Variants in NRXN1 observed in about 807,000 individuals in gnomAD.
NRXN1 encodes neurexin 1.
A neutral mutation model predicts 150.9 loss-of-function variants in NRXN1; 39 were observed. That is an observed-to-expected ratio of 0.26 (90% CI 0.20 to 0.34). The LOEUF is 0.34. Among genes scored for constraint, NRXN1 ranks in the 10% least tolerant of loss-of-function variants. The pLI is 1.00. For missense variants in NRXN1, 1,815 were observed against 1,949.9 expected (o/e 0.93, Z 1.30); for synonymous variants, 924 against 757.0 (o/e 1.22, Z -3.62).
At chr2:50,992,386 T>C (rs1419115383) in intron 2 of NRXN1, among the ~76,000 whole-genome samples, 1 of 151,936 alleles carries the variant, frequency 6.6e-6, no homozygotes, top group Non-Finnish European at 1.5e-5. Flanking sequence ...CCTCAAACCT[T>C]TTATTAAATT....
chr2:50,731,033 T>TG (rs1299675880), intron 5 of NRXN1, among the ~76,000 whole-genome samples: 1 of 152,202 alleles, frequency 6.6e-6, no homozygotes, highest in Non-Finnish European at 1.5e-5. Flanking sequence ...TATCCTTGAC[T>TG]GTAACTCAGG....
intron 19 of NRXN1, among the ~76,000 whole-genome samples, chr2:50,087,138 T>C (rs1174495605): frequency 1.3e-5 from 2 of 152,112 alleles, no homozygotes; most frequent in African/African-American, 2.4e-5. Flanking sequence ...TTGGAACGAG[T>C]TTTCCTTTTA....
At chr2:50,023,684 C>T (rs1261351795) in intron 21 of NRXN1, 5 of 151,982 alleles carry the variant, frequency 3.3e-5, no homozygotes, top group African/African-American at 1.2e-4. Context: ...ACTTCGGGGC[C>T]GAATATGTGT....
At chr2:50,576,519 T>C (rs1320987367) in intron 8 of NRXN1, among the ~76,000 whole-genome samples, 1 of 152,124 alleles carries the variant, frequency 6.6e-6, no homozygotes, top group African/African-American at 2.4e-5. Flanking sequence ...ACATCATAGG[T>C]CTCCAAAATA....
chr2:50,396,783 A>G (rs1408443355), intron 17 of NRXN1, among the ~76,000 whole-genome samples: 1 of 152,144 alleles, frequency 6.6e-6, no homozygotes, highest in African/African-American at 2.4e-5. Flanking sequence ...CAGAAATGTA[A>G]GATGATTTCT....
At chr2:50,308,577 C>T (rs67355714) in intron 17 of NRXN1, among the ~76,000 whole-genome samples, 19,289 of 151,986 alleles carry the variant, frequency 0.13, 1,313 homozygotes, top group East Asian at 0.18. Context: ...AGCTGTCTAA[C>T]GCCTGGCATC....
intron 5 of NRXN1, among the ~76,000 whole-genome samples, chr2:50,790,952 T>C (rs999893696): frequency 6.6e-6 from 1 of 152,064 alleles, no homozygotes; most frequent in Non-Finnish European, 1.5e-5. Flanking sequence ...GCACTTCAGA[T>C]TTCAGATTTT....
At chr2:50,775,520 T>G (rs970338326) in intron 5 of NRXN1, among the ~76,000 whole-genome samples, 2 of 152,174 alleles carry the variant, frequency 1.3e-5, no homozygotes, top group East Asian at 3.9e-4. Flanking sequence ...CACTAACACA[T>G]GCTTTGAGAA....
At chr2:50,107,297 G>A (rs1160033564) in intron 18 of NRXN1, among the ~76,000 whole-genome samples, 1 of 146,910 alleles carries the variant, frequency 6.8e-6, no homozygotes, top group Non-Finnish European at 1.5e-5. Flanking sequence ...GCTCTTGCTT[G>A]CTAAAACTCT....
intron 5 of NRXN1, among the ~76,000 whole-genome samples, chr2:50,830,448 T>A (rs1671254485): frequency 6.6e-6 from 1 of 151,838 alleles, no homozygotes; most frequent in Non-Finnish European, 1.5e-5. Flanking sequence ...CTAAGCTAAT[T>A]TAAAAGCACT....
At chr2:50,695,364 C>T (rs1377321950) in intron 5 of NRXN1, among the ~76,000 whole-genome samples, 2 of 152,132 alleles carry the variant, frequency 1.3e-5, no homozygotes, top group Non-Finnish European at 2.9e-5. Flanking sequence ...AGGATATAAG[C>T]TATCAAGTTC....
At chr2:50,581,122 T>C (rs1424871184) in intron 8 of NRXN1, among the ~76,000 whole-genome samples, 7 of 152,166 alleles carry the variant, frequency 4.6e-5, no homozygotes, top group African/African-American at 9.6e-5. Context: ...CAGAAATATA[T>C]AAATTTATGA....
chr2:49,942,691 C>A (rs1245637710), intron 22 of NRXN1, among the ~76,000 whole-genome samples: 2 of 151,986 alleles, frequency 1.3e-5, no homozygotes, highest in East Asian at 3.9e-4. Flanking sequence ...CTGACTGCAA[C>A]CTCTGCCTCC....
At chr2:50,902,448 G>T (rs1683093102) in intron 5 of NRXN1, among the ~76,000 whole-genome samples, 1 of 151,992 alleles carries the variant, frequency 6.6e-6, no homozygotes, top group Admixed American at 6.6e-5. Context: ...CTAAATGCAG[G>T]ATTTTCATAA....
At chr2:50,988,999 A>C (rs1698137403) in intron 2 of NRXN1, among the ~76,000 whole-genome samples, 1 of 151,340 alleles carries the variant, frequency 6.6e-6, no homozygotes. Flanking sequence ...TTTTCCCCCC[A>C]TATTTTCCCC....
intron 20 of NRXN1, 77 bp downstream of exon 20, chr2:50,054,878 A>G (rs1370676034): frequency 2.2e-6 from 2 of 904,628 alleles, no homozygotes; most frequent in Non-Finnish European, 1.6e-6. Context: ...TTTTATGTTT[A>G]TTAGTGTTAC....
chr2:50,208,213 C>A (rs1487161079), intron 18 of NRXN1, among the ~76,000 whole-genome samples: 1 of 152,076 alleles, frequency 6.6e-6, no homozygotes, highest in Non-Finnish European at 1.5e-5. Context: ...CTCACACTAC[C>A]AGGGTACCCT....
At position 50,314,534 on chromosome 2, in the gene NRXN1, T is replaced by A. The variant is rs559598751; in HGVS notation, c.3365-77564A>T. Among the ~76,000 whole-genome samples, 8 of 152,064 alleles carry A rather than the reference T, an allele frequency of 5.3e-5. No homozygotes were observed. In the South Asian group the frequency reaches 1.7e-3, roughly 32 times the overall value. ...CCTCAGAGAAAAAAAAATCATTCCATATAATTATGGGTGCATTGACATCAA... is the reference window on the plus strand; with the variant it reads ...CCTCAGAGAAAAAAAAATCATTCCAAATAATTATGGGTGCATTGACATCAA... On this transcript the variant is annotated intron_variant, in intron 17 of 22. Coordinates refer to ENST00000401669, the MANE Select transcript of NRXN1 (RefSeq NM_001330078.2).
chr2:50,142,781 A>C (rs1444390517), intron 18 of NRXN1, among the ~76,000 whole-genome samples: 1 of 151,924 alleles, frequency 6.6e-6, no homozygotes, highest in Non-Finnish European at 1.5e-5. Flanking sequence ...AATAATTAAA[A>C]ATCAAGATAG....
Sources: gnomAD v4.1 joint callset for allele counts (sites outside exome capture counted in the v4.1 genomes callset) on GRCh38, gnomAD v4.1.1 for gene constraint, MANE v1.5 for transcripts, NCBI Gene and HGNC (gene_info 2026-07-23, HGNC 2026-07-21) for gene names.